FMN1: variants seen among roughly 807,000 people sequenced by gnomAD.
The protein encoded by FMN1 is formin-1.
A neutral mutation model predicts 132.4 loss-of-function variants in FMN1; 110 were observed. That is an observed-to-expected ratio of 0.83 (90% CI 0.71 to 0.97). The LOEUF is 0.97. Among genes scored for constraint, FMN1 ranks in the 50% least tolerant of loss-of-function variants. The pLI is 0.00. For synonymous variants in FMN1, 722 were observed against 651.7 expected (o/e 1.11, Z -1.64); for missense variants, 1,792 against 1,705.3 (o/e 1.05, Z -0.90).
At chr15:32,995,686 G>A (rs564280355) in intron 7 of FMN1, among the ~76,000 whole-genome samples, 1 of 152,280 alleles carries the variant, frequency 6.6e-6, no homozygotes, top group South Asian at 2.1e-4. Context: ...TCATGAGAGA[G>A]ATAAAGTGTA....
intron 9 of FMN1, among the ~76,000 whole-genome samples, chr15:32,938,057 TGAA>T (rs987141538): frequency 6.6e-6 from 1 of 151,978 alleles, no homozygotes. Context: ...AAAAGAAACT[TGAA>T]GACTATAGGA....
chr15:33,073,933 G>A (rs1044618407), intron 5 of FMN1, among the ~76,000 whole-genome samples: 1 of 152,128 alleles, frequency 6.6e-6, no homozygotes, highest in African/African-American at 2.4e-5. Flanking sequence ...GTTTCACCAT[G>A]TTACCCAGGC....
rs201304971 is a variant in FMN1, at chr15:32,773,728, C to A, written c.*582G>T. The A allele has an allele frequency of 1.1e-3, 166 of 152,460 alleles. 1 individual carries two copies. The highest frequency in any genetic ancestry group is 1.9e-3 in the Non-Finnish European group (132 of 68,198). The allele number at this position is 152,460 out of a possible 1,614,324, so 9.4% of individuals were successfully genotyped here. A position where few individuals can be genotyped will look rare whatever the true frequency, so the allele number is the denominator to read the frequency against. On this transcript the variant is annotated 3_prime_UTR_variant, in exon 21 of 21. Transcript: ENST00000616417. Reference sequence around the variant, plus strand: ...TTTTTTCTCCTTTTCATCACGTAAACCATAACAACAAAAAATCATTTTTTT... The same window carrying A: ...TTTTTTCTCCTTTTCATCACGTAAAACATAACAACAAAAAATCATTTTTTT...
At chr15:33,094,473 G>A (rs184445052) in intron 4 of FMN1, among the ~76,000 whole-genome samples, 1 of 152,288 alleles carries the variant, frequency 6.6e-6, no homozygotes, top group African/African-American at 2.4e-5. Context: ...GAATTCAGTT[G>A]CACTGCAGTG....
intron 2 of FMN1, among the ~76,000 whole-genome samples, chr15:33,191,831 G>T (rs1032908609): frequency 1.3e-5 from 2 of 152,216 alleles, no homozygotes; most frequent in African/African-American, 4.8e-5. Flanking sequence ...TATATTTGCT[G>T]CAGGAGAATA....
chr15:32,845,011 A>G (rs892088803), intron 17 of FMN1, among the ~76,000 whole-genome samples: 2 of 152,246 alleles, frequency 1.3e-5, no homozygotes, highest in Admixed American at 6.5e-5. Context: ...TCTTTCCAGA[A>G]TTGGACATTG....
chr15:32,913,538 T>C (rs2060614155), intron 10 of FMN1, among the ~76,000 whole-genome samples: 1 of 152,158 alleles, frequency 6.6e-6, no homozygotes, highest in Non-Finnish European at 1.5e-5. Context: ...TTCCTGAACA[T>C]GCCATGGCTT....
At chr15:33,105,030 G>A (rs1022797300) in intron 4 of FMN1, among the ~76,000 whole-genome samples, 10 of 152,104 alleles carry the variant, frequency 6.6e-5, no homozygotes, top group African/African-American at 1.9e-4. Context: ...GTGGCACTTT[G>A]CAAGCTGGGG....
chr15:33,162,907 A>C (rs1218459017), intron 3 of FMN1, among the ~76,000 whole-genome samples: 1 of 150,822 alleles, frequency 6.6e-6, no homozygotes, highest in Non-Finnish European at 1.5e-5. Flanking sequence ...ACCTGAGGTC[A>C]GGAGATTGAG....
Position 33,043,308 on chromosome 15 carries a change from G to A in FMN1, c.2161+21649C>T, listed in dbSNP as rs140376569. Among the ~76,000 whole-genome samples the A allele has an allele frequency of 7.9e-5, 12 of 152,276 alleles. No individual in the cohort carries two copies. In the East Asian group the frequency reaches 1.2e-3, roughly 15 times the overall value. Reference sequence around the variant, plus strand: ...ACTATAACAAATGGAGGTGTAAACCGACTGTAGCCCACACCTGTGCCAATC... The same window carrying A: ...ACTATAACAAATGGAGGTGTAAACCAACTGTAGCCCACACCTGTGCCAATC... On this transcript the variant is annotated intron_variant, in intron 6 of 20. Coordinates refer to ENST00000616417, the MANE Select transcript of FMN1 (RefSeq NM_001277313.2).
At chr15:33,099,306 T>C (rs934637536) in intron 4 of FMN1, among the ~76,000 whole-genome samples, 2 of 152,174 alleles carry the variant, frequency 1.3e-5, no homozygotes, top group Non-Finnish European at 2.9e-5. Context: ...AGTCAATCTA[T>C]CAATAAACTC....
At chr15:33,001,066 T>C (rs992022714) in intron 7 of FMN1, among the ~76,000 whole-genome samples, 1 of 152,162 alleles carries the variant, frequency 6.6e-6, no homozygotes, top group Admixed American at 6.5e-5. Flanking sequence ...GTGGATCACT[T>C]GTGGTCAGGA....
chr15:32,971,217 C>T lies in FMN1; in HGVS notation c.2224-1740G>A, dbSNP rs138020767. Among the ~76,000 whole-genome samples the T allele has an allele frequency of 3.0e-4, 46 of 152,280 alleles. No individual in the cohort carries two copies. The East Asian group carries it at 6.9e-3, about 23-fold the overall frequency. The stretch of plus-strand genomic sequence containing the variant: ...AGGCATTATGCCTGGAACACAGAAA[C>T]GTTTGGATAAATCTTACTGTTAGTT... On this transcript the variant is annotated intron_variant, in intron 7 of 20. Coordinates refer to ENST00000616417, the MANE Select transcript of FMN1 (RefSeq NM_001277313.2).
chr15:33,040,540 T>C (rs1047394505), intron 6 of FMN1, among the ~76,000 whole-genome samples: 2 of 152,242 alleles, frequency 1.3e-5, no homozygotes, highest in African/African-American at 4.8e-5. Context: ...ACAGTGGAAT[T>C]AATAACAGCA....
chr15:32,808,593 A>G (rs1374859618), intron 17 of FMN1, among the ~76,000 whole-genome samples: 1 of 152,228 alleles, frequency 6.6e-6, no homozygotes, highest in Non-Finnish European at 1.5e-5. Flanking sequence ...TCAGAAAATC[A>G]CTTAACTCCA....
intron 4 of FMN1, among the ~76,000 whole-genome samples, chr15:33,104,318 A>G (rs1454993): frequency 0.12 from 17,696 of 152,182 alleles, 1,911 homozygotes; most frequent in East Asian, 0.61. Context: ...CTTAAATTTT[A>G]CTTATAAATA....
intron 4 of FMN1, among the ~76,000 whole-genome samples, chr15:33,123,579 G>A (rs2468766): frequency 0.94 from 143,779 of 152,306 alleles, 67,977 homozygotes; most frequent in East Asian, 1. Context: ...GAAAAATTAA[G>A]TCTAACATAT....
intron 17 of FMN1, among the ~76,000 whole-genome samples, chr15:32,812,013 A>T (rs932770953): frequency 9.6e-6 from 1 of 103,870 alleles, no homozygotes; most frequent in African/African-American, 3.5e-5. Flanking sequence ...TTTTATGGAC[A>T]CTAAACAAAC....
At chr15:32,922,041 A>T (rs996750359) in intron 10 of FMN1, among the ~76,000 whole-genome samples, 6 of 152,228 alleles carry the variant, frequency 3.9e-5, no homozygotes, top group Admixed American at 3.9e-4. Context: ...CTCAGACTTA[A>T]TCTTAACTTT....
Sources: gnomAD v4.1 joint callset for allele counts (sites outside exome capture counted in the v4.1 genomes callset) on GRCh38, gnomAD v4.1.1 for gene constraint, MANE v1.5 for transcripts, NCBI Gene and HGNC (gene_info 2026-07-23, HGNC 2026-07-21) for gene names.